WNK3: variants seen among roughly 807,000 people sequenced by gnomAD.
WNK3 encodes the protein serine/threonine-protein kinase WNK3.
A neutral mutation model predicts 116.7 loss-of-function variants in WNK3; 18 were observed. The observed-to-expected ratio is 0.15, with a 90% CI of 0.11 to 0.23. The LOEUF (loss-of-function observed/expected upper bound fraction) is 0.23, where lower values mean the gene tolerates loss of function less well. WNK3 is among the 10% of genes least tolerant of loss of function. The pLI is 1.00. For missense variants in WNK3, 993 were observed against 1,323.8 expected, an observed-to-expected ratio of 0.75 and a Z score of 3.88; for synonymous variants, 404 against 469.4, an observed-to-expected ratio of 0.86 and a Z score of 1.80.
intron 10 of WNK3, among the ~76,000 whole-genome samples, chrX:54,266,719 A>T (rs782621589): frequency 1.8e-3 from 200 of 108,519 alleles, no homozygotes; most frequent in African/African-American, 6.4e-3. Flanking sequence ...TAATTTATTT[A>T]TATATATATA....
intron 7 of WNK3, among the ~76,000 whole-genome samples, 185 bp downstream of exon 7, chrX:54,297,990 A>G (rs1405044547): frequency 1.8e-5 from 2 of 110,018 alleles, no homozygotes; most frequent in Admixed American, 9.8e-5. Flanking sequence ...GGAGATTGGC[A>G]TGAACCCAGG....
chrX:54,193,130 G>C (rs2067414801), exon 24 of WNK3: 1 of 111,909 alleles, frequency 8.9e-6, no homozygotes, highest in Non-Finnish European at 1.9e-5. Flanking sequence ...TAAATGTTAA[G>C]TGTGGAGAAG....
chrX:54,222,911 T>TA (rs1193094226), intron 22 of WNK3, among the ~76,000 whole-genome samples: 6 of 76,900 alleles, frequency 7.8e-5, no homozygotes, highest in African/African-American at 3.4e-4. Flanking sequence ...ATAATAATAA[T>TA]AATAATATAT....
chrX:54,251,587 G>A (rs782295588), exon 14 of WNK3: 1 of 1,210,805 alleles, frequency 8.3e-7, no homozygotes. Context: ...TCTTTCTGTG[G>A]CAAAGTGGAC....
Position 54,236,926 on chromosome X carries a change from A to C in WNK3, c.4628+12T>G. On this transcript the variant is annotated intron_variant, in intron 20 of 23. Transcript: ENST00000354646. ...GCAACCAGATTTGTGACAAAAGAGA[A>C]ACAGTCCTTACTTTTCTCGTAATCT... 8.5e-7 allele frequency: 1 copy of C among 1,175,792 alleles called. No homozygotes were observed. The highest frequency in any genetic ancestry group is 1.1e-6 in the Non-Finnish European group (1 of 878,603).
At chrX:54,238,024 G>C (rs1425880970) in intron 19 of WNK3, among the ~76,000 whole-genome samples, 3 of 111,052 alleles carry the variant, frequency 2.7e-5, no homozygotes, top group Non-Finnish European at 5.7e-5. Flanking sequence ...CTGAGGTCAG[G>C]AGTTCAAGAC....
At chrX:54,222,941 A>ATATATATATATAT (rs59332285) in intron 22 of WNK3, among the ~76,000 whole-genome samples, 10 of 84,073 alleles carry the variant, frequency 1.2e-4, no homozygotes, top group African/African-American at 6.4e-4. Context: ...TATATATATA[A>ATATATATATATAT]AAAAAGACAC....
chrX:54,313,841 T>C (rs2068916541), intron 2 of WNK3, among the ~76,000 whole-genome samples: 1 of 111,454 alleles, frequency 9.0e-6, no homozygotes, highest in Non-Finnish European at 1.9e-5. Flanking sequence ...TATAATTTCA[T>C]AATATCCTGT....
chrX:54,347,063 G>C (rs2069441600), intron 1 of WNK3, among the ~76,000 whole-genome samples: 1 of 111,899 alleles, frequency 8.9e-6, no homozygotes, highest in African/African-American at 3.2e-5. Flanking sequence ...CAGTGAAAAA[G>C]TTTACAAAAA....
At chrX:54,354,826 G>A (rs1321054908) in intron 1 of WNK3, among the ~76,000 whole-genome samples, 2 of 111,760 alleles carry the variant, frequency 1.8e-5, no homozygotes, top group Non-Finnish European at 1.9e-5. Context: ...GCCCATGCCT[G>A]TAATCCCAGC....
intron 17 of WNK3, among the ~76,000 whole-genome samples, chrX:54,241,725 G>A (rs782156083): frequency 4.5e-5 from 5 of 111,075 alleles, no homozygotes; most frequent in Non-Finnish European, 7.5e-5. Context: ...AGGCTAAGGC[G>A]GGTGGATCAT....
At chrX:54,240,675 C>G (rs2068013059) in intron 17 of WNK3, among the ~76,000 whole-genome samples, 1 of 111,530 alleles carries the variant, frequency 9.0e-6, no homozygotes, top group African/African-American at 3.3e-5. Flanking sequence ...TGCTGCAAAC[C>G]TGAGTGGCTG....
chrX:54,213,581 A>C (rs1557144320), intron 22 of WNK3, among the ~76,000 whole-genome samples: 1 of 105,096 alleles, frequency 9.5e-6, no homozygotes, highest in Non-Finnish European at 1.9e-5. Context: ...AAAAAAAAAA[A>C]ACTAGGGGAA....
chrX:54,260,305 G>A (rs1316941855), intron 10 of WNK3, among the ~76,000 whole-genome samples: 1 of 111,773 alleles, frequency 8.9e-6, no homozygotes, highest in Non-Finnish European at 1.9e-5. Flanking sequence ...TAAACATTGA[G>A]AGCAAATATT....
intron 22 of WNK3, among the ~76,000 whole-genome samples, chrX:54,212,909 T>C (rs2067631910): frequency 9.0e-6 from 1 of 111,523 alleles, no homozygotes; most frequent in Non-Finnish European, 1.9e-5. Context: ...TATATGTTAG[T>C]ATACACATGT....
chrX:54,316,855 G>T (rs899008319), intron 2 of WNK3, among the ~76,000 whole-genome samples: 45 of 111,478 alleles, frequency 4.0e-4, no homozygotes, highest in Non-Finnish European at 5.8e-4. Context: ...ATGTAAAATG[G>T]TATATTCGTT....
At position 54,201,962 on chromosome X, in the gene WNK3, A is replaced by G. The variant is rs183458297; in HGVS notation, c.5073+29T>C. On this transcript the variant is annotated intron_variant, in intron 23 of 23. Transcript: ENST00000354646. ...ATTTTTATGGTTTTAGTTCTTGTAA[A>G]CAAAGTGAATTGGGTATAAACAACT... The G allele has an allele frequency of 4.9e-4, 580 of 1,186,403 alleles. 2 individuals carry two copies. The African/African-American group carries it at 8.6e-3, about 18-fold the overall frequency.
intron 21 of WNK3, among the ~76,000 whole-genome samples, chrX:54,231,602 G>C (rs1439334993): frequency 9.0e-6 from 1 of 111,585 alleles, no homozygotes; most frequent in African/African-American, 3.3e-5. Context: ...ACTCTTCTGT[G>C]TTTCTTCTCT....
exon 8 of WNK3, chrX:54,294,596 C>T (rs782313288): frequency 8.3e-7 from 1 of 1,198,878 alleles, no homozygotes; most frequent in South Asian, 1.8e-5. Context: ...TTTGTAGAAG[C>T]TGTTGTCTAA....
Sources: gnomAD v4.1 joint callset for allele counts (sites outside exome capture counted in the v4.1 genomes callset) on GRCh38, gnomAD v4.1.1 for gene constraint, MANE v1.5 for transcripts, NCBI Gene and HGNC (gene_info 2026-07-23, HGNC 2026-07-21) for gene names.